The following FAM135B variants were observed in gnomAD, a reference collection of about 807,000 sequenced individuals.
FAM135B encodes the protein protein FAM135B.
In FAM135B, 43 loss-of-function variants were observed where a neutral mutation model predicts 127.7. The ratio of observed to expected loss-of-function variants is 0.34; its 90% CI spans 0.26 to 0.43. The LOEUF (loss-of-function observed/expected upper bound fraction) is 0.43. Among genes scored for constraint, FAM135B ranks in the 20% least tolerant of loss-of-function variants. FAM135B has a pLI of 1.00. For missense variants in FAM135B, 1,558 were observed against 1,725.6 expected (o/e 0.90, Z 1.72); for synonymous variants, 670 against 665.1 (o/e 1.01, Z -0.11).
chr8:138,453,941 T>C (rs1298670939), intron 1 of FAM135B, among the ~76,000 whole-genome samples: 4 of 152,114 alleles, frequency 2.6e-5, no homozygotes, highest in African/African-American at 9.7e-5. Context: ...TTACCCTCTC[T>C]TTATTTCACG....
intron 11 of FAM135B, among the ~76,000 whole-genome samples, chr8:138,172,728 G>A (rs1301953817): frequency 6.6e-6 from 1 of 152,202 alleles, no homozygotes; most frequent in African/African-American, 2.4e-5. Context: ...AGGAAGGGAA[G>A]GAGAAAGGGA....
At chr8:138,387,456 C>T (rs1309181104) in intron 1 of FAM135B, among the ~76,000 whole-genome samples, 1 of 152,292 alleles carries the variant, frequency 6.6e-6, no homozygotes, top group Middle Eastern at 3.4e-3. Context: ...CTCCACCCCA[C>T]CTTCCTCTCT....
intron 1 of FAM135B, among the ~76,000 whole-genome samples, chr8:138,470,503 A>G (rs1564027502): frequency 6.6e-6 from 1 of 152,166 alleles, no homozygotes; most frequent in Non-Finnish European, 1.5e-5. Flanking sequence ...ATTAGATTGA[A>G]TTTGTTTTTT....
intron 9 of FAM135B, among the ~76,000 whole-genome samples, chr8:138,179,085 C>T (rs1003118145): frequency 5.3e-5 from 8 of 152,288 alleles, no homozygotes; most frequent in South Asian, 2.1e-4. Flanking sequence ...CCTCGCTCTT[C>T]GTTTATCCTG....
At chr8:138,282,158 A>G (rs1220065544) in intron 3 of FAM135B, among the ~76,000 whole-genome samples, 1 of 152,204 alleles carries the variant, frequency 6.6e-6, no homozygotes, top group African/African-American at 2.4e-5. Flanking sequence ...GGCTACTTCA[A>G]ATTTTATGCT....
intron 2 of FAM135B, among the ~76,000 whole-genome samples, chr8:138,313,601 T>C (rs1255597705): frequency 6.7e-6 from 1 of 150,366 alleles, no homozygotes; most frequent in Non-Finnish European, 1.5e-5. Flanking sequence ...ACTCCTGGTC[T>C]CAAGTGATCC....
intron 3 of FAM135B, among the ~76,000 whole-genome samples, chr8:138,281,359 G>A (rs1563852865): frequency 6.6e-6 from 1 of 151,636 alleles, no homozygotes; most frequent in African/African-American, 2.4e-5. Context: ...TGGTTGGGTG[G>A]CAACCAACTT....
intron 1 of FAM135B, among the ~76,000 whole-genome samples, chr8:138,402,202 C>T (rs2037322): frequency 0.46 from 70,379 of 151,464 alleles, 16,742 homozygotes; most frequent in Admixed American, 0.58. Context: ...TGGAACACTG[C>T]CTTTTCAACA....
chr8:138,411,253 C>T (rs568797034), intron 1 of FAM135B, among the ~76,000 whole-genome samples: 28 of 152,014 alleles, frequency 1.8e-4, no homozygotes, highest in Non-Finnish European at 3.8e-4. Context: ...TACAAGGCTA[C>T]AGTAACCAAA....
chr8:138,170,168 T>C (rs1020716240), intron 11 of FAM135B, among the ~76,000 whole-genome samples: 4 of 151,794 alleles, frequency 2.6e-5, no homozygotes, highest in African/African-American at 4.8e-5. Context: ...CTGGAGGAAG[T>C]TGCAGGATAG....
At chr8:138,199,575 T>C (rs1359754134) in intron 7 of FAM135B, among the ~76,000 whole-genome samples, 4 of 152,208 alleles carry the variant, frequency 2.6e-5, no homozygotes, top group Non-Finnish European at 4.4e-5. Context: ...GGTTACCCTA[T>C]GTATTAGTTC....
chr8:138,323,381 C>A (rs1212466772), intron 2 of FAM135B, among the ~76,000 whole-genome samples: 2 of 152,184 alleles, frequency 1.3e-5, no homozygotes, highest in East Asian at 3.8e-4. Flanking sequence ...CCTCATGACC[C>A]CCTCTTGGCT....
chr8:138,447,872 G>T (rs1431419409), intron 1 of FAM135B, among the ~76,000 whole-genome samples: 1 of 151,680 alleles, frequency 6.6e-6, no homozygotes, highest in South Asian at 2.1e-4. Flanking sequence ...TAAAGGGACA[G>T]AGTGCTGGGG....
intron 1 of FAM135B, among the ~76,000 whole-genome samples, chr8:138,419,114 C>T (rs1394144425): frequency 1.3e-5 from 2 of 152,128 alleles, no homozygotes. Flanking sequence ...AGAGACCCAT[C>T]TCACATGCAA....
In FAM135B at chr8:138,460,961, C is replaced by T. The variant is rs149583285; in HGVS notation, c.-20+35710G>A. On this transcript the variant is annotated intron_variant, in intron 1 of 19. Coordinates refer to ENST00000395297, the MANE Select transcript of FAM135B (RefSeq NM_015912.4). ...CTGCAGAGCGGGGCCTGGCATCATACAGCCAAAGCTCCTGTATTCAGACAG... is the reference window on the plus strand; with the variant it reads ...CTGCAGAGCGGGGCCTGGCATCATATAGCCAAAGCTCCTGTATTCAGACAG... Among the ~76,000 whole-genome samples, 274 of 152,334 alleles carry T rather than the reference C, an allele frequency of 1.8e-3. 5 individuals are homozygous for T. In the East Asian group the frequency reaches 0.04, roughly 22 times the overall value.
intron 7 of FAM135B, 81 bp from the exon 8 acceptor site, chr8:138,197,750 C>T (rs560135175): frequency 1.0e-5 from 15 of 1,453,226 alleles, no homozygotes; most frequent in African/African-American, 2.8e-5. Context: ...TCCATCCACC[C>T]GCACCAACAT....
At chr8:138,153,342 G>T in intron 12 of FAM135B, 126 bp from the exon 13 acceptor site, 1 of 697,274 alleles carries the variant, frequency 1.4e-6, no homozygotes, top group Non-Finnish European at 2.3e-6. Flanking sequence ...GGGAGAATAG[G>T]AAGAGCTCCA....
intron 11 of FAM135B, 145 bp from the exon 12 acceptor site, chr8:138,168,194 T>A: frequency 3.2e-6 from 3 of 927,512 alleles, no homozygotes; most frequent in Non-Finnish European, 4.7e-6. Context: ...TCCACCCACC[T>A]ACTTAGCCCC....
chr8:138,224,513 T>G (rs946511828), intron 7 of FAM135B, among the ~76,000 whole-genome samples: 2 of 152,192 alleles, frequency 1.3e-5, no homozygotes, highest in Admixed American at 6.5e-5. Context: ...CTCGGCTCAC[T>G]GCAACCTCCG....
Sources: gnomAD v4.1 joint callset for allele counts (sites outside exome capture counted in the v4.1 genomes callset) on GRCh38, gnomAD v4.1.1 for gene constraint, MANE v1.5 for transcripts, NCBI Gene and HGNC (gene_info 2026-07-23, HGNC 2026-07-21) for gene names.